Variants in CELSR1 observed in about 807,000 individuals in gnomAD.
CELSR1 encodes the protein cadherin EGF LAG seven-pass G-type receptor 1.
In CELSR1, 110 loss-of-function variants were observed where a neutral mutation model predicts 249.1. That is an observed-to-expected ratio of 0.44 (90% CI 0.38 to 0.52). CELSR1 has a LOEUF of 0.52. Among genes scored for constraint, CELSR1 ranks in the 20% least tolerant of loss-of-function variants. The probability of loss-of-function intolerance (pLI) is 0.00; values close to 1 mark genes in which losing one functional copy is unlikely to be tolerated. For synonymous variants in CELSR1, 2,113 were observed against 1,900.0 expected (o/e 1.11, Z -2.92); for missense variants, 4,109 against 4,296.4 (o/e 0.96, Z 1.22).
At position 46,394,206 on chromosome 22, in the gene CELSR1, T is replaced by A; in HGVS notation, c.5900A>T (p.His1967Leu). 1 of 1,613,960 alleles carries A rather than the reference T, an allele frequency of 6.2e-7. No individual in the cohort carries two copies. Among genetic ancestry groups the A allele is most frequent in the Non-Finnish European group, 8.5e-7 (1 of 1,179,956 alleles). The change falls in exon 14 of 35, where the codon CAC becomes CTC. Residue 1967 changes from histidine to leucine, a missense_variant. This residue lies in a region of CELSR1 where 1,805 missense variants were observed against 1,831.6 expected (regional missense o/e 0.99). Transcript: ENST00000674500. ...WWGNPVCGPC[H>L]CAVSKGFDPD... Reference sequence around the variant, plus strand: ...ATCAAAGCCTTTGCTGACGGCACAGTGGCAGGGTCCACAGACGGGGTTCCC... The same window carrying A: ...ATCAAAGCCTTTGCTGACGGCACAGAGGCAGGGTCCACAGACGGGGTTCCC...
chr22:46,456,550 C>T (rs2079953168), intron 2 of CELSR1, among the ~76,000 whole-genome samples: 1 of 150,940 alleles, frequency 6.6e-6, no homozygotes, highest in Admixed American at 6.6e-5. Flanking sequence ...GTAGTCCCAG[C>T]TACTCGGGAG....
intron 19 of CELSR1, among the ~76,000 whole-genome samples, chr22:46,384,945 C>T (rs7284318): frequency 0.099 from 15,051 of 151,890 alleles, 817 homozygotes; most frequent in African/African-American, 0.15. Context: ...CAGGCACCAC[C>T]ACGCCTGGCT....
rs965682955 is a variant in CELSR1, at chr22:46,434,848, T to C, written c.4522+1326A>G. Among the ~76,000 whole-genome samples, 2 of 151,902 alleles carry C rather than the reference T, an allele frequency of 1.3e-5. No individual in the cohort carries two copies. The highest frequency in any genetic ancestry group is 4.8e-5 in the African/African-American group (2 of 41,354). ...CCTGTCTCTACTAAAAATACAAAAA[T>C]TAGCCGGGCATGGTGAAACGTGCCT... On this transcript the variant is annotated intron_variant, in intron 4 of 34. Coordinates refer to ENST00000674500, the MANE Select transcript of CELSR1 (RefSeq NM_001378328.1). This position sits in a 1 kb window ranked among gnomAD's most constrained non-coding sequence, Gnocchi z 4.9.
rs377033860 is a variant in CELSR1, at chr22:46,462,291, T to C, written c.4183+1416A>G. On this transcript the variant is annotated intron_variant, in intron 2 of 34. Transcript: ENST00000674500. Reference sequence around the variant, plus strand: ...CACACTGCCTTCCTTCCACCTGCCATATGACCAGAGGGCCACCAACCTGGA... The same window carrying C: ...CACACTGCCTTCCTTCCACCTGCCACATGACCAGAGGGCCACCAACCTGGA... Among the ~76,000 whole-genome samples, 22 of 152,294 alleles carry C rather than the reference T, an allele frequency of 1.4e-4. No homozygotes were observed. In the East Asian group the frequency reaches 3.5e-3, roughly 24 times the overall value.
chr22:46,479,179 G>A (rs1196169468), intron 1 of CELSR1, among the ~76,000 whole-genome samples: 3 of 151,752 alleles, frequency 2.0e-5, no homozygotes, highest in African/African-American at 7.3e-5. Context: ...AGCATCCGCC[G>A]ACGGACGCTC....
At chr22:46,442,216 C>G (rs959434796) in intron 2 of CELSR1, among the ~76,000 whole-genome samples, 2 of 152,216 alleles carry the variant, frequency 1.3e-5, no homozygotes, top group Non-Finnish European at 2.9e-5. Context: ...TACCCCCCAC[C>G]CTTCCCCTCC....
chr22:46,397,935 G>T, intron 11 of CELSR1, 87 bp from the exon 12 acceptor site: 2 of 1,150,474 alleles, frequency 1.7e-6, no homozygotes, highest in Non-Finnish European at 2.3e-6. Flanking sequence ...CTGGTCCCTT[G>T]CGAGGCATTC....
At chr22:46,366,916 T>C in intron 29 of CELSR1, 77 bp downstream of exon 29, 4 of 1,523,876 alleles carry the variant, frequency 2.6e-6, no homozygotes, top group Non-Finnish European at 3.5e-6. Flanking sequence ...GGACTGGGGC[T>C]GAGGCTCGAT....
At position 46,463,752 on chromosome 22, in the gene CELSR1, T is replaced by G. The variant is rs1004671632; in HGVS notation, c.4138A>C (p.Ser1380Arg). ...TCGCAGGTGTAGCCGCCCTCGCGGCTGCGGCAGCGGCCGTTGGCGCCGCAC... is the reference window on the plus strand; with the variant it reads ...TCGCAGGTGTAGCCGCCCTCGCGGCGGCGGCAGCGGCCGTTGGCGCCGCAC... ...DPCGANGRCR[S>R]REGGYTCECF... The change falls in exon 2 of 35, where the codon AGC (serine) becomes CGC (arginine). Residue 1380 changes from serine (S) to arginine (R), a missense_variant. Ser to Arg is a moderately radical substitution (Grantham distance 110). Around this residue, in one of 7 missense-constraint regions of CELSR1, gnomAD observed 453 missense variants for 492.0 expected, o/e 0.92. Transcript: ENST00000674500. The G allele has an allele frequency of 4.5e-6, 7 of 1,545,214 alleles. No individual in the cohort carries two copies. Among genetic ancestry groups the G allele is most frequent in the Non-Finnish European group, 6.1e-6 (7 of 1,147,370 alleles).
chr22:46,475,024 C>T (rs2080193955), intron 1 of CELSR1, among the ~76,000 whole-genome samples: 1 of 152,094 alleles, frequency 6.6e-6, no homozygotes, highest in Non-Finnish European at 1.5e-5. Context: ...GCTTCTAGAG[C>T]TTCAAATCAT....
At chr22:46,481,456 G>C (rs2080265533) in intron 1 of CELSR1, 19 of 1,582,254 alleles carry the variant, frequency 1.2e-5, no homozygotes, top group Non-Finnish European at 1.6e-5. Context: ...CTTACTCCCA[G>C]CATCTATTGA....
intron 2 of CELSR1, among the ~76,000 whole-genome samples, chr22:46,451,429 A>G (rs1343006191): frequency 1.3e-5 from 2 of 152,236 alleles, no homozygotes; most frequent in African/African-American, 2.4e-5. Flanking sequence ...TTCCAGCAGC[A>G]AAGAAAAATG....
intron 9 of CELSR1, among the ~76,000 whole-genome samples, chr22:46,400,203 G>A (rs1445479172): frequency 6.6e-6 from 1 of 151,548 alleles, no homozygotes; most frequent in Admixed American, 6.6e-5. Flanking sequence ...GGTGGTAGGT[G>A]CCTGTAATCC....
chr22:46,484,744 C>T lies in CELSR1; in HGVS notation c.3545-20399G>A, dbSNP rs1248033286. Among the ~76,000 whole-genome samples the T allele has an allele frequency of 1.4e-5, 2 of 141,548 alleles. No homozygotes were observed. Among genetic ancestry groups the T allele is most frequent in the African/African-American group, 5.2e-5 (2 of 38,668 alleles). The allele number at this position is 141,548 out of a possible 152,430, so 92.9% of individuals were successfully genotyped here. ...ACCCCGCCCAGGTGCTGGGGAGGTC[C>T]GGCTGCTGCCTGAGGTCTCCAAACA... On this transcript the variant is annotated intron_variant, in intron 1 of 34. Coordinates refer to ENST00000674500, the MANE Select transcript of CELSR1 (RefSeq NM_001378328.1). This position sits in a 1 kb window ranked among gnomAD's most constrained non-coding sequence, Gnocchi z 4.5.
At position 46,410,018 on chromosome 22, in the gene CELSR1, C is replaced by T; in HGVS notation, c.4934-138G>A. The T allele has an allele frequency of 1.8e-6, 2 of 1,089,530 alleles. No homozygotes were observed. Among genetic ancestry groups the T allele is most frequent in the Non-Finnish European group, 2.6e-6 (2 of 758,980 alleles). The allele number at this position is 1,089,530 out of a possible 1,614,324, so 67.5% of individuals were successfully genotyped here. On this transcript the variant is annotated intron_variant, in intron 7 of 34. Transcript: ENST00000674500. This position sits in a 1 kb window ranked among gnomAD's most constrained non-coding sequence, Gnocchi z 6.8. ...TCAGACCAGGTCTGAACGCCCCTGG[C>T]AACGGCAGGAACATGGGAACTAAGA... is the stretch of plus-strand genomic sequence containing the variant.
At chr22:46,387,601 T>C (rs1397626926) in intron 18 of CELSR1, among the ~76,000 whole-genome samples, 3 of 151,748 alleles carry the variant, frequency 2.0e-5, no homozygotes, top group Admixed American at 6.6e-5. Flanking sequence ...TCAGGCAATC[T>C]GCCCATCTCG....
intron 1 of CELSR1, among the ~76,000 whole-genome samples, chr22:46,510,126 G>A (rs968235762): frequency 1.3e-5 from 2 of 152,236 alleles, no homozygotes; most frequent in African/African-American, 2.4e-5. Context: ...AGACGAGGAC[G>A]GCCCACGTGG....
chr22:46,385,784 TCTC>T (rs2147234296), intron 19 of CELSR1, among the ~76,000 whole-genome samples: 1 of 151,286 alleles, frequency 6.6e-6, no homozygotes, highest in South Asian at 2.1e-4. Flanking sequence ...TTCACGCCAT[TCTC>T]CTGCCTCAGC....
At chr22:46,450,681 T>G (rs1480173366) in intron 2 of CELSR1, among the ~76,000 whole-genome samples, 1 of 152,036 alleles carries the variant, frequency 6.6e-6, no homozygotes, top group Non-Finnish European at 1.5e-5. Context: ...CCTGGACAGG[T>G]GTCCCCTCCG....
Sources: allele counts gnomAD v4.1 joint callset (sites outside exome capture counted in the v4.1 genomes callset), GRCh38; gene constraint gnomAD v4.1.1; regional missense constraint gnomAD v4.1.1; non-coding constraint Gnocchi (gnomAD v3.1); transcripts MANE v1.5; gene names NCBI Gene and HGNC (gene_info 2026-07-23, HGNC 2026-07-21).